FNDC3B: variants seen among roughly 807,000 people sequenced by gnomAD.
FNDC3B encodes fibronectin type III domain-containing protein 3B.
A neutral mutation model predicts 151.5 loss-of-function variants in FNDC3B; 12 were observed. That is an observed-to-expected ratio of 0.08 (90% CI 0.05 to 0.13). The LOEUF (loss-of-function observed/expected upper bound fraction) is 0.13, where lower values mean the gene tolerates loss of function less well. Ranked by LOEUF, FNDC3B falls within the 10% of genes least tolerant of loss-of-function variation. The probability of loss-of-function intolerance (pLI) is 1.00; values close to 1 mark genes in which losing one functional copy is unlikely to be tolerated. For missense variants in FNDC3B, 1,214 were observed against 1,505.3 expected (o/e 0.81, Z 3.20); for synonymous variants, 528 against 549.0 (o/e 0.96, Z 0.54).
At chr3:172,396,167 T>C (rs1736267133) in intron 25 of FNDC3B, among the ~76,000 whole-genome samples, 1 of 152,142 alleles carries the variant, frequency 6.6e-6, no homozygotes, top group Non-Finnish European at 1.5e-5. Flanking sequence ...GAAAAGAAAA[T>C]GGAGGAATTA....
At chr3:172,101,269 C>A (rs765295910) in intron 1 of FNDC3B, among the ~76,000 whole-genome samples, 1 of 152,184 alleles carries the variant, frequency 6.6e-6, no homozygotes, top group East Asian at 1.9e-4. Context: ...GACATTGGGG[C>A]TTATCTCAGA....
chr3:172,362,528 T>G, intron 22 of FNDC3B, 105 bp from the exon 23 acceptor site: 1 of 866,990 alleles, frequency 1.2e-6, no homozygotes, highest in Non-Finnish European at 1.8e-6. Context: ...TCTATGTTAT[T>G]GCTTTAGGGA....
intron 3 of FNDC3B, among the ~76,000 whole-genome samples, chr3:172,138,670 G>A (rs1272111925): frequency 1.3e-5 from 2 of 152,146 alleles, no homozygotes; most frequent in Admixed American, 1.3e-4. Flanking sequence ...AAAATTCTTA[G>A]GAAGCACCAT....
At chr3:172,154,945 T>C (rs1194479275) in intron 3 of FNDC3B, among the ~76,000 whole-genome samples, 3 of 151,834 alleles carry the variant, frequency 2.0e-5, no homozygotes, top group Admixed American at 6.6e-5. Flanking sequence ...GTACTCTATG[T>C]GTTTGTAGGT....
At chr3:172,090,989 A>G (rs766252786) in intron 1 of FNDC3B, among the ~76,000 whole-genome samples, 4 of 152,166 alleles carry the variant, frequency 2.6e-5, no homozygotes, top group Non-Finnish European at 5.9e-5. Context: ...AAAATCTGAA[A>G]ATTCAGATCT....
rs79925567 is a variant in FNDC3B, at chr3:172,261,463, G to A, written c.790+9922G>A. ...TCAGTATTGTAATGTGATAATTATA[G>A]TCTATACTACAAATATGTTCATTAT... is the stretch of plus-strand genomic sequence containing the variant. On this transcript the variant is annotated intron_variant, in intron 6 of 25. Coordinates refer to ENST00000415807, the MANE Select transcript of FNDC3B (RefSeq NM_022763.4). Among the ~76,000 whole-genome samples, 82 of 152,300 alleles carry A rather than the reference G, an allele frequency of 5.4e-4. No individual in the cohort carries two copies. In the East Asian group the frequency reaches 0.015, roughly 29 times the overall value.
At chr3:172,194,392 C>T (rs972675350) in intron 3 of FNDC3B, among the ~76,000 whole-genome samples, 2 of 152,144 alleles carry the variant, frequency 1.3e-5, no homozygotes, top group Admixed American at 1.3e-4. Flanking sequence ...ATGACCTTAC[C>T]TGTCAAGTGA....
intron 3 of FNDC3B, among the ~76,000 whole-genome samples, chr3:172,226,577 A>G (rs1342276679): frequency 6.6e-6 from 1 of 152,216 alleles, no homozygotes; most frequent in Non-Finnish European, 1.5e-5. Context: ...CTGTTACACT[A>G]CTACTAACTG....
At chr3:172,164,541 C>CT (rs1722916073) in intron 3 of FNDC3B, among the ~76,000 whole-genome samples, 1 of 152,010 alleles carries the variant, frequency 6.6e-6, no homozygotes. Flanking sequence ...TATTCTAAAA[C>CT]TTAAAAAAAC....
At chr3:172,091,647 T>C (rs1718831165) in intron 1 of FNDC3B, among the ~76,000 whole-genome samples, 1 of 152,178 alleles carries the variant, frequency 6.6e-6, no homozygotes, top group Admixed American at 6.5e-5. Context: ...GGAAGTAACT[T>C]TGTCACTGCA....
chr3:172,070,836 G>A (rs1481068738), intron 1 of FNDC3B, among the ~76,000 whole-genome samples: 7 of 152,004 alleles, frequency 4.6e-5, no homozygotes. Flanking sequence ...ATATTCTGAA[G>A]CAAATCTCAG....
chr3:172,078,405 A>T (rs1007685457), intron 1 of FNDC3B, among the ~76,000 whole-genome samples: 1 of 152,198 alleles, frequency 6.6e-6, no homozygotes, highest in East Asian at 1.9e-4. Flanking sequence ...ATATGTGAAA[A>T]TAGCTGTTTT....
At chr3:172,165,941 A>G (rs1722980756) in intron 3 of FNDC3B, among the ~76,000 whole-genome samples, 1 of 152,166 alleles carries the variant, frequency 6.6e-6, no homozygotes, top group Non-Finnish European at 1.5e-5. Context: ...GGAGTGTTTC[A>G]TTTTGTTCTT....
chr3:172,048,935 T>A (rs1267480026), intron 1 of FNDC3B, among the ~76,000 whole-genome samples: 1 of 152,038 alleles, frequency 6.6e-6, no homozygotes, highest in East Asian at 1.9e-4. Flanking sequence ...AAAAGTAGAA[T>A]AGAGATTACC....
At chr3:172,235,523 C>A (rs984179435) in intron 4 of FNDC3B, among the ~76,000 whole-genome samples, 1 of 152,100 alleles carries the variant, frequency 6.6e-6, no homozygotes, top group Non-Finnish European at 1.5e-5. Context: ...GGGAAGGGTC[C>A]AGACTGATTT....
chr3:172,336,063 C>T (rs1254771833), intron 15 of FNDC3B, among the ~76,000 whole-genome samples: 1 of 152,138 alleles, frequency 6.6e-6, no homozygotes, highest in Non-Finnish European at 1.5e-5. Flanking sequence ...GTCAACACTA[C>T]TTACTTTCAT....
At chr3:172,198,075 C>T (rs966664331) in intron 3 of FNDC3B, among the ~76,000 whole-genome samples, 1 of 152,008 alleles carries the variant, frequency 6.6e-6, no homozygotes, top group Admixed American at 6.5e-5. Flanking sequence ...TTTTTTAATG[C>T]TCAAAATTCC....
At chr3:172,256,550 A>G (rs918822801) in intron 6 of FNDC3B, among the ~76,000 whole-genome samples, 1 of 152,200 alleles carries the variant, frequency 6.6e-6, no homozygotes, top group South Asian at 2.1e-4. Context: ...TGCAGAAGCT[A>G]AAGAAGTTTC....
At chr3:172,178,127 G>C (rs1723704212) in intron 3 of FNDC3B, among the ~76,000 whole-genome samples, 1 of 152,154 alleles carries the variant, frequency 6.6e-6, no homozygotes, top group Non-Finnish European at 1.5e-5. Flanking sequence ...GGAAGGAGCA[G>C]AAATTGAACA....
Sources: allele counts gnomAD v4.1 joint callset (sites outside exome capture counted in the v4.1 genomes callset), GRCh38; gene constraint gnomAD v4.1.1; transcripts MANE v1.5; gene names NCBI Gene and HGNC (gene_info 2026-07-23, HGNC 2026-07-21).